CNTNAP2: variants seen among roughly 807,000 people sequenced by gnomAD.
The protein encoded by CNTNAP2 is contactin-associated protein-like 2.
Under a neutral mutation model 155.2 loss-of-function variants are expected in CNTNAP2, and 98 were observed. The ratio of observed to expected loss-of-function variants is 0.63; its 90% CI spans 0.54 to 0.75. The LOEUF (loss-of-function observed/expected upper bound fraction) is 0.75, where lower values mean the gene tolerates loss of function less well. Among genes scored for constraint, CNTNAP2 ranks in the 30% least tolerant of loss-of-function variants. CNTNAP2 has a pLI of 0.00. For synonymous variants in CNTNAP2, 651 were observed against 631.2 expected, an observed-to-expected ratio of 1.03 and a Z score of -0.47; for missense variants, 1,727 against 1,688.1, an observed-to-expected ratio of 1.02 and a Z score of -0.40.
At chr7:147,751,901 T>C (rs1797141194) in intron 13 of CNTNAP2, among the ~76,000 whole-genome samples, 1 of 152,152 alleles carries the variant, frequency 6.6e-6, no homozygotes, top group Non-Finnish European at 1.5e-5. Flanking sequence ...TTATTCCTAT[T>C]TACTTACAGG....
chr7:147,287,665 C>A (rs1805210816), intron 8 of CNTNAP2, among the ~76,000 whole-genome samples: 1 of 152,044 alleles, frequency 6.6e-6, no homozygotes, highest in Non-Finnish European at 1.5e-5. Flanking sequence ...TCTTGAGCTC[C>A]AGACCCAAAT....
At chr7:148,113,753 A>C (rs1057240728) in intron 15 of CNTNAP2, among the ~76,000 whole-genome samples, 5 of 152,094 alleles carry the variant, frequency 3.3e-5, no homozygotes. Flanking sequence ...TGCAGTCACA[A>C]AGCTTCTCAT....
chr7:147,643,301 T>C lies in CNTNAP2; in HGVS notation c.2098+3995T>C, dbSNP rs149354140. 245 of 152,318 alleles carry C rather than the reference T, an allele frequency of 1.6e-3. 1 individual carries two copies. The highest frequency in any genetic ancestry group is 5.8e-3 in the African/African-American group (242 of 41,572). The allele number at this position is 152,318 out of a possible 1,614,324, so 9.4% of individuals were successfully genotyped here. A position where few individuals can be genotyped will look rare whatever the true frequency, so the allele number is the denominator to read the frequency against. ...GCATAATAAAAATTTTAAATCCTTC[T>C]GATATACCAGTCTCTAAATATCGTA... On this transcript the variant is annotated intron_variant, in intron 13 of 23. Coordinates refer to ENST00000361727, the MANE Select transcript of CNTNAP2 (RefSeq NM_014141.6).
At chr7:146,134,025 A>G (rs1304494637) in intron 1 of CNTNAP2, among the ~76,000 whole-genome samples, 1 of 149,260 alleles carries the variant, frequency 6.7e-6, no homozygotes, top group African/African-American at 2.5e-5. Flanking sequence ...TTTTCACGAT[A>G]TTGATTCTTC....
At chr7:146,897,121 C>T (rs1342521465) in intron 3 of CNTNAP2, among the ~76,000 whole-genome samples, 11 of 152,092 alleles carry the variant, frequency 7.2e-5, no homozygotes, top group African/African-American at 1.2e-4. Flanking sequence ...AAAGTCAAAA[C>T]GTCACTCTTA....
At chr7:147,329,893 T>A (rs2116838852) in intron 9 of CNTNAP2, among the ~76,000 whole-genome samples, 1 of 152,310 alleles carries the variant, frequency 6.6e-6, no homozygotes, top group African/African-American at 2.4e-5. Context: ...GCCATTACTA[T>A]GATTCCCTTC....
At chr7:146,768,856 A>G (rs1232413869) in intron 1 of CNTNAP2, among the ~76,000 whole-genome samples, 1 of 152,194 alleles carries the variant, frequency 6.6e-6, no homozygotes, top group Non-Finnish European at 1.5e-5. Context: ...AAACATTTTC[A>G]GACATTATAT....
chr7:147,951,311 A>AAT (rs773345704), intron 14 of CNTNAP2, among the ~76,000 whole-genome samples: 56 of 152,220 alleles, frequency 3.7e-4, no homozygotes, highest in Non-Finnish European at 2.9e-4. Context: ...AAAAATTTAC[A>AAT]ATCTATTCTA....
At chr7:146,607,126 G>T (rs1799061398) in intron 1 of CNTNAP2, among the ~76,000 whole-genome samples, 1 of 152,060 alleles carries the variant, frequency 6.6e-6, no homozygotes, top group Non-Finnish European at 1.5e-5. Flanking sequence ...TATTAGATTA[G>T]TACTGATGGG....
At chr7:146,308,783 C>T (rs1344361541) in intron 1 of CNTNAP2, among the ~76,000 whole-genome samples, 1 of 152,014 alleles carries the variant, frequency 6.6e-6, no homozygotes, top group Non-Finnish European at 1.5e-5. Flanking sequence ...ACAATAAAAA[C>T]ACTTGGACAC....
At chr7:147,798,374 A>C (rs888823263) in intron 13 of CNTNAP2, among the ~76,000 whole-genome samples, 5 of 152,170 alleles carry the variant, frequency 3.3e-5, no homozygotes, top group Admixed American at 3.3e-4. Context: ...AAAATCACCA[A>C]ATAAAACTGA....
chr7:146,268,872 G>A (rs1368682109), intron 1 of CNTNAP2, among the ~76,000 whole-genome samples: 1 of 152,182 alleles, frequency 6.6e-6, no homozygotes, highest in Non-Finnish European at 1.5e-5. Flanking sequence ...ACATACACCT[G>A]TGTTTTGAGG....
Position 146,745,764 on chromosome 7 carries a change from G to GAA in CNTNAP2, c.98-28491_98-28490dup, listed in dbSNP as rs112857634. ...CTGGCGACAGAGCAAGACTCCATCT[G>GAA]AAAAAAAAAAAAAAAAAGAGGTCTG... On this transcript the variant is annotated intron_variant, in intron 1 of 23. Transcript: ENST00000361727. Among the ~76,000 whole-genome samples, 43 of 96,910 alleles carry GAA rather than the reference G, an allele frequency of 4.4e-4. No homozygotes were observed. The South Asian group carries it at 9.8e-3, about 22-fold the overall frequency. 63.6% of individuals were successfully genotyped at this position (96,910 alleles called of 152,430 possible). A position where few individuals can be genotyped will look rare whatever the true frequency, so the allele number is the denominator to read the frequency against.
At chr7:146,582,458 A>G (rs1798625812) in intron 1 of CNTNAP2, among the ~76,000 whole-genome samples, 1 of 152,094 alleles carries the variant, frequency 6.6e-6, no homozygotes, top group Non-Finnish European at 1.5e-5. Context: ...GAATGCTATA[A>G]CTGCTGATAA....
chr7:147,347,374 G>A (rs1221277492), intron 9 of CNTNAP2, among the ~76,000 whole-genome samples: 1 of 143,862 alleles, frequency 7.0e-6, no homozygotes, highest in African/African-American at 2.5e-5. Flanking sequence ...ATGCTGATGG[G>A]CACCAGAGAC....
At chr7:148,278,102 C>G (rs1361376454) in intron 21 of CNTNAP2, among the ~76,000 whole-genome samples, 1 of 152,142 alleles carries the variant, frequency 6.6e-6, no homozygotes, top group African/African-American at 2.4e-5. Flanking sequence ...GTGGCCAAAT[C>G]CATAGTCGAG....
chr7:147,250,587 C>T (rs1283964295), intron 8 of CNTNAP2, among the ~76,000 whole-genome samples: 3 of 149,806 alleles, frequency 2.0e-5, no homozygotes, highest in Non-Finnish European at 3.0e-5. Context: ...TCTGGATTCT[C>T]AGTCTTAGTA....
intron 1 of CNTNAP2, among the ~76,000 whole-genome samples, chr7:146,335,953 A>C (rs996183958): frequency 3.3e-5 from 5 of 152,152 alleles, no homozygotes; most frequent in African/African-American, 1.2e-4. Context: ...TAATCCCAGC[A>C]CTTTGGGAGG....
At chr7:147,105,236 T>G (rs1317308138) in intron 4 of CNTNAP2, among the ~76,000 whole-genome samples, 1 of 151,872 alleles carries the variant, frequency 6.6e-6, no homozygotes, top group Admixed American at 6.6e-5. Flanking sequence ...CAATAAAATG[T>G]TTTTGAAAAA....
Sources: allele counts gnomAD v4.1 joint callset (sites outside exome capture counted in the v4.1 genomes callset), GRCh38; gene constraint gnomAD v4.1.1; transcripts MANE v1.5; gene names NCBI Gene and HGNC (gene_info 2026-07-23, HGNC 2026-07-21).